INPP5B: variants seen among roughly 807,000 people sequenced by gnomAD.
INPP5B encodes inositol polyphosphate-5-phosphatase B.
A neutral mutation model predicts 118.5 loss-of-function variants in INPP5B; 90 were observed. The observed-to-expected ratio is 0.76, with a 90% CI of 0.64 to 0.90. INPP5B has a LOEUF of 0.90. Ranked by LOEUF, INPP5B falls within the 40% of genes least tolerant of loss-of-function variation. The probability of loss-of-function intolerance (pLI) is 0.00; values close to 1 mark genes in which losing one functional copy is unlikely to be tolerated. For missense variants in INPP5B, 984 were observed against 1,125.6 expected, an observed-to-expected ratio of 0.87 and a Z score of 1.80; for synonymous variants, 385 against 418.9, an observed-to-expected ratio of 0.92 and a Z score of 0.99.
intron 7 of INPP5B, among the ~76,000 whole-genome samples, chr1:37,896,703 C>T (rs1250232300): frequency 3.6e-5 from 5 of 137,396 alleles, no homozygotes; most frequent in African/African-American, 1.3e-4. Flanking sequence ...GCCCGGCCAG[C>T]CGCCCCGTCC....
Position 37,875,686 on chromosome 1 carries a change from T to G in INPP5B, c.1708A>C (p.Lys570Gln). ...VRVVNDELYR[K>Q]TLEEIVRSLD... Reference sequence around the variant, plus strand: ...GAGCGAACAATTTCCTCCAGTGTCTTCCGGTAAAGCTCGTCATTTACGACC... The same window carrying G: ...GAGCGAACAATTTCCTCCAGTGTCTGCCGGTAAAGCTCGTCATTTACGACC... The change falls in exon 17 of 24, where the codon AAG becomes CAG. Residue 570 changes from lysine (K) to glutamine (Q), a missense_variant. Physicochemically the swap from Lys to Gln is moderately conservative, Grantham distance 53. Around this residue, in one of 2 missense-constraint regions of INPP5B, gnomAD observed 634 missense variants for 791.0 expected, o/e 0.80. Coordinates refer to ENST00000373024, the MANE Select transcript of INPP5B (RefSeq NM_005540.3). The G allele has an allele frequency of 1.2e-6, 2 of 1,614,164 alleles. No homozygotes were observed. The highest frequency in any genetic ancestry group is 1.7e-6 in the Non-Finnish European group (2 of 1,179,970).
intron 6 of INPP5B, among the ~76,000 whole-genome samples, chr1:37,933,478 G>A (rs945663386): frequency 2.0e-5 from 3 of 152,152 alleles, no homozygotes; most frequent in Admixed American, 6.6e-5. Context: ...AACCTGGGAG[G>A]TAGAGGTTTC....
intron 5 of INPP5B, chr1:37,942,305 GC>G (rs1645961492): frequency 6.6e-6 from 1 of 151,266 alleles, no homozygotes; most frequent in South Asian, 2.1e-4. Context: ...GTGGTGGCAG[GC>G]GCCTGTAGTC....
intron 7 of INPP5B, chr1:37,930,065 T>C (rs1368090427): frequency 6.6e-6 from 1 of 152,156 alleles, no homozygotes; most frequent in Non-Finnish European, 1.5e-5. Context: ...TATTTATTTA[T>C]TTTAGAGACA....
At chr1:37,897,011 G>T (rs1280147067) in intron 7 of INPP5B, among the ~76,000 whole-genome samples, 1 of 136,360 alleles carries the variant, frequency 7.3e-6, no homozygotes, top group Non-Finnish European at 1.6e-5. Flanking sequence ...CCGGCCAGCC[G>T]CCCCGTCCGG....
intron 7 of INPP5B, chr1:37,930,574 C>T (rs887230582): frequency 6.6e-6 from 1 of 152,194 alleles, no homozygotes; most frequent in Non-Finnish European, 1.5e-5. Context: ...GCACCATAGC[C>T]CAGAATGTCA....
chr1:37,944,928 T>G (rs1441011091), intron 3 of INPP5B, among the ~76,000 whole-genome samples: 1 of 152,084 alleles, frequency 6.6e-6, no homozygotes, highest in Admixed American at 6.5e-5. Flanking sequence ...CTAACTCACT[T>G]TACTCTTTAA....
chr1:37,929,369 C>T (rs1469585727), intron 7 of INPP5B: 1 of 152,186 alleles, frequency 6.6e-6, no homozygotes, highest in Non-Finnish European at 1.5e-5. Flanking sequence ...CCGCCCGCCT[C>T]AGCCTTCCAA....
chr1:37,878,120 G>T, intron 16 of INPP5B, 68 bp downstream of exon 16: 1 of 1,551,350 alleles, frequency 6.4e-7, no homozygotes, highest in Non-Finnish European at 8.8e-7. Flanking sequence ...AGAAAGACAA[G>T]AAATGGTCTT....
Position 37,889,785 on chromosome 1 carries a change from T to C in INPP5B, c.630-61A>G, listed in dbSNP as rs1643739058. 2.2e-6 allele frequency: 3 copies of C among 1,338,544 alleles called. No homozygotes were observed. The African/African-American group carries it at 4.4e-5, about 19-fold the overall frequency. 82.9% of individuals were successfully genotyped at this position (1,338,544 alleles called of 1,614,324 possible). A position where few individuals can be genotyped will look rare whatever the true frequency, so the allele number is the denominator to read the frequency against. On this transcript the variant is annotated intron_variant, in intron 8 of 23. Coordinates refer to ENST00000373024, the MANE Select transcript of INPP5B (RefSeq NM_005540.3). ...GAGTCCCCATGGCAAAATGAATGAATACAAAGCTAAAAGTTCCCCTATACA... is the reference window on the plus strand; with the variant it reads ...GAGTCCCCATGGCAAAATGAATGAACACAAAGCTAAAAGTTCCCCTATACA...
rs181986821 is a variant in INPP5B, at chr1:37,912,376, T to C, written c.532+19537A>G. Among the ~76,000 whole-genome samples the C allele has an allele frequency of 3.1e-4, 47 of 152,330 alleles. No homozygotes were observed. The East Asian group carries it at 8.7e-3, about 28-fold the overall frequency. ...AAGTCACAAGTGTTCACCCCTACTT[T>C]CCTTAAACTTATTTGCATTTCTGAA... On this transcript the variant is annotated intron_variant, in intron 7 of 23. Coordinates refer to ENST00000373024, the MANE Select transcript of INPP5B (RefSeq NM_005540.3).
intron 7 of INPP5B, among the ~76,000 whole-genome samples, chr1:37,895,962 G>A (rs78277095): frequency 2.0e-5 from 3 of 151,998 alleles, no homozygotes; most frequent in Non-Finnish European, 2.9e-5. Context: ...GAGCGTCTCC[G>A]CCTGGCCGCC....
intron 7 of INPP5B, among the ~76,000 whole-genome samples, chr1:37,916,425 CT>C (rs1249343745): frequency 3.1e-5 from 4 of 127,566 alleles, no homozygotes; most frequent in African/African-American, 5.8e-5. Context: ...TTTTTTTTTT[CT>C]TTTTTTTGAG....
At chr1:37,866,408 A>ACACACACACACACC in intron 21 of INPP5B, 51 bp downstream of exon 21, 1 of 221,366 alleles carries the variant, frequency 4.5e-6, no homozygotes, top group Non-Finnish European at 7.6e-6. Flanking sequence ...TCTCTCTCTC[A>ACACACACACACACC]CACACACACA....
At chr1:37,897,117 T>C in intron 7 of INPP5B, among the ~76,000 whole-genome samples, 1 of 141,910 alleles carries the variant, frequency 7.0e-6, no homozygotes, top group African/African-American at 2.7e-5. Flanking sequence ...GTCGGGGGGG[T>C]CAGACCCCCG....
At chr1:37,924,436 T>C (rs1412184173) in intron 7 of INPP5B, among the ~76,000 whole-genome samples, 1 of 151,838 alleles carries the variant, frequency 6.6e-6, no homozygotes, top group Non-Finnish European at 1.5e-5. Context: ...CCCAAAGTGC[T>C]GGGATTACAG....
At chr1:37,880,311 AAAG>A in intron 14 of INPP5B, 117 bp from the exon 15 acceptor site, 1 of 704,738 alleles carries the variant, frequency 1.4e-6, no homozygotes, top group East Asian at 2.6e-5. Flanking sequence ...AAAAGCCCCA[AAAG>A]AAAGTTATTC....
chr1:37,941,713 C>T (rs1288512675), intron 5 of INPP5B, among the ~76,000 whole-genome samples: 97 of 143,298 alleles, frequency 6.8e-4, no homozygotes, highest in Middle Eastern at 3.6e-3. Flanking sequence ...CCGAGGCGGG[C>T]GGATCACGAG....
At chr1:37,896,781 G>GGGGTCAGCCCCCTGCC (rs1447800485) in intron 7 of INPP5B, among the ~76,000 whole-genome samples, 8 of 140,406 alleles carry the variant, frequency 5.7e-5, no homozygotes, top group African/African-American at 2.1e-4. Context: ...GGGAGGTGGG[G>GGGGTCAGCCCCCTGCC]GGGTCAGCCC....
Sources: gnomAD v4.1 joint callset for allele counts (sites outside exome capture counted in the v4.1 genomes callset) on GRCh38, gnomAD v4.1.1 for gene constraint, gnomAD v4.1.1 regional missense constraint, MANE v1.5 for transcripts, NCBI Gene and HGNC (gene_info 2026-07-23, HGNC 2026-07-21) for gene names.